The following OC90 variants were observed in gnomAD, a reference collection of about 807,000 sequenced individuals.
OC90 encodes otoconin-90.
OC90 carries 46 observed loss-of-function variants against 47.3 expected under a neutral mutation model. The observed-to-expected ratio is 0.97, with a 90% CI of 0.77 to 1.24. OC90 has a LOEUF of 1.24. OC90 is among the 50% of genes most tolerant of loss of function. The probability of loss-of-function intolerance (pLI) is 0.00; values close to 1 mark genes in which losing one functional copy is unlikely to be tolerated. For missense variants in OC90, 688 were observed against 583.9 expected (o/e 1.18, Z -1.84); for synonymous variants, 271 against 219.5 (o/e 1.23, Z -2.07).
At chr8:132,053,180 G>A (rs894546739) in intron 2 of OC90, among the ~76,000 whole-genome samples, 1 of 152,064 alleles carries the variant, frequency 6.6e-6, no homozygotes, top group Non-Finnish European at 1.5e-5. Flanking sequence ...ATCTGGCCTG[G>A]GTCAGGGATG....
At chr8:132,035,527 G>A (rs1422468882) in intron 9 of OC90, among the ~76,000 whole-genome samples, 8 of 152,000 alleles carry the variant, frequency 5.3e-5, no homozygotes, top group Non-Finnish European at 1.2e-4. Context: ...TGTGCCACAC[G>A]AAAAAATGTT....
At chr8:132,040,649 T>G (rs1460631363) in intron 6 of OC90, among the ~76,000 whole-genome samples, 1 of 152,166 alleles carries the variant, frequency 6.6e-6, no homozygotes, top group Non-Finnish European at 1.5e-5. Flanking sequence ...ACAAGCATTG[T>G]GTAATTTGAT....
intron 2 of OC90, 111 bp from the exon 3 acceptor site, chr8:132,045,994 C>T (rs773629333): frequency 3.0e-4 from 206 of 677,974 alleles, no homozygotes; most frequent in Non-Finnish European, 4.9e-4. Flanking sequence ...CACATAAATT[C>T]AATTCCATGC....
At chr8:132,044,675 T>C (rs567447524) in intron 3 of OC90, among the ~76,000 whole-genome samples, 186 bp from the exon 4 acceptor site, 10 of 152,302 alleles carry the variant, frequency 6.6e-5, no homozygotes, top group African/African-American at 1.7e-4. Flanking sequence ...GAAATGTGAA[T>C]TCCATTACTG....
At chr8:132,028,267 G>A (rs1433497043) in intron 13 of OC90, among the ~76,000 whole-genome samples, 3 of 152,010 alleles carry the variant, frequency 2.0e-5, no homozygotes, top group African/African-American at 7.3e-5. Flanking sequence ...ACTTTGGGAG[G>A]CCGAGGTGGG....
chr8:132,045,409 C>T (rs903608406), intron 3 of OC90, among the ~76,000 whole-genome samples: 3 of 152,128 alleles, frequency 2.0e-5, no homozygotes, highest in South Asian at 2.1e-4. Flanking sequence ...TTCGCTTCCC[C>T]GGGAAACAAA....
intron 12 of OC90, 26 bp from the exon 13 acceptor site, chr8:132,029,205 T>C (rs1292101790): frequency 7.0e-6 from 11 of 1,569,438 alleles, no homozygotes; most frequent in African/African-American, 2.7e-5. Context: ...ACCCTTTACT[T>C]CTCAGAGCTC....
chr8:132,039,216 TGCCAAA>T, intron 6 of OC90, 93 bp from the exon 7 acceptor site: 1 of 1,381,478 alleles, frequency 7.2e-7, no homozygotes, highest in Admixed American at 2.0e-5. Context: ...TCATCTCCCC[TGCCAAA>T]AATCCCACTC....
At chr8:132,055,777 G>A (rs555778985) in intron 1 of OC90, among the ~76,000 whole-genome samples, 3 of 152,168 alleles carry the variant, frequency 2.0e-5, no homozygotes, top group Non-Finnish European at 4.4e-5. Flanking sequence ...AAGGGGAGAA[G>A]CGGGCAGAGT....
chr8:132,041,038 G>A lies in OC90; in HGVS notation c.457+6C>T, dbSNP rs1340920195. 6.5e-7 allele frequency: 1 copy of A among 1,535,836 alleles called. No individual in the cohort carries two copies. The highest frequency in any genetic ancestry group is 9.0e-7 in the Non-Finnish European group (1 of 1,108,662). ...CCAGGCCCCTGGGACACCTGGAGAT[G>A]CTTACCACATATGATCTTCTTGCTG... is the stretch of plus-strand genomic sequence containing the variant. On this transcript the variant is annotated splice_donor_region_variant and intron_variant, in intron 6 of 13. Coordinates refer to ENST00000254627, the MANE Select transcript of OC90 (RefSeq NM_001080399.3).
chr8:132,038,679 C>A, intron 8 of OC90, 111 bp downstream of exon 8: 1 of 826,332 alleles, frequency 1.2e-6, no homozygotes, highest in Non-Finnish European at 2.0e-6. Flanking sequence ...TCCAGTGTCA[C>A]AGTCACTCCA....
chr8:132,058,161 C>T (rs1276927726), intron 1 of OC90, among the ~76,000 whole-genome samples: 1 of 152,152 alleles, frequency 6.6e-6, no homozygotes, highest in African/African-American at 2.4e-5. Context: ...GTTAGAAGCA[C>T]GTGGTCAGCC....
chr8:132,058,494 T>A (rs1266142792), intron 1 of OC90, among the ~76,000 whole-genome samples: 1 of 152,200 alleles, frequency 6.6e-6, no homozygotes, highest in Non-Finnish European at 1.5e-5. Context: ...CATGGCTGCA[T>A]AGCCAGTGTC....
chr8:132,056,814 A>G (rs1183744553), intron 1 of OC90, among the ~76,000 whole-genome samples: 2 of 152,224 alleles, frequency 1.3e-5, no homozygotes, highest in Admixed American at 6.5e-5. Context: ...TGGGTCCAAC[A>G]TGAACTTGGA....
At chr8:132,041,489 T>G in intron 5 of OC90, 36 bp downstream of exon 5, 3 of 1,567,374 alleles carry the variant, frequency 1.9e-6, no homozygotes, top group Non-Finnish European at 2.6e-6. Flanking sequence ...ATGAGCTCAC[T>G]TTTTTTGGTC....
intron 3 of OC90, 128 bp downstream of exon 3, chr8:132,045,690 A>AATCC: frequency 5.0e-6 from 3 of 605,906 alleles, no homozygotes; most frequent in Non-Finnish European, 8.9e-6. Context: ...GTCCCACTTC[A>AATCC]ATCCCTTTAC....
chr8:132,042,497 C>T (rs1823068646), intron 4 of OC90, among the ~76,000 whole-genome samples: 1 of 152,150 alleles, frequency 6.6e-6, no homozygotes, highest in South Asian at 2.1e-4. Context: ...AAGCGCAGTA[C>T]CCAACCGGGG....
Position 132,024,267 on chromosome 8 carries a change from G to T in OC90, c.*214C>A. The T allele has an allele frequency of 2.1e-6, 1 of 483,794 alleles. No individual in the cohort carries two copies. The allele number at this position is 483,794 out of a possible 1,614,324, so 30.0% of individuals were successfully genotyped here. ...CCACAGTGCACTAAAGGAGCATGGA[G>T]GTACCATGGTGTGCCTTCTCCAAGT... On this transcript the variant is annotated 3_prime_UTR_variant, in exon 14 of 14. Coordinates refer to ENST00000254627, the MANE Select transcript of OC90 (RefSeq NM_001080399.3).
chr8:132,031,770 A>G, intron 12 of OC90, 111 bp downstream of exon 12: 1 of 880,940 alleles, frequency 1.1e-6, no homozygotes, highest in African/African-American at 1.7e-5. Context: ...TGCACCAAGC[A>G]TTTAGTGAGG....
Sources: gnomAD v4.1 joint callset for allele counts (sites outside exome capture counted in the v4.1 genomes callset) on GRCh38, gnomAD v4.1.1 for gene constraint, MANE v1.5 for transcripts, NCBI Gene and HGNC (gene_info 2026-07-23, HGNC 2026-07-21) for gene names.